Variants in B4GALNT3 observed in about 807,000 individuals in gnomAD.
B4GALNT3 encodes beta-1,4-N-acetyl-galactosaminyltransferase 3.
B4GALNT3 carries 86 observed loss-of-function variants against 120.2 expected under a neutral mutation model. The ratio of observed to expected loss-of-function variants is 0.72; its 90% CI spans 0.60 to 0.86. The LOEUF is 0.86. Among genes scored for constraint, B4GALNT3 ranks in the 40% least tolerant of loss-of-function variants. B4GALNT3 has a pLI of 0.00. For missense variants in B4GALNT3, 1,167 were observed against 1,298.9 expected (o/e 0.90, Z 1.56); for synonymous variants, 518 against 510.4 (o/e 1.01, Z -0.20).
intron 1 of B4GALNT3, among the ~76,000 whole-genome samples, chr12:492,536 C>T (rs753302539): frequency 6.6e-6 from 1 of 152,198 alleles, no homozygotes; most frequent in African/African-American, 2.4e-5. Context: ...AACATTTGTT[C>T]TTCCCAACTT....
At position 542,412 on chromosome 12, in the gene B4GALNT3, C is replaced by T. The variant is rs535219451; in HGVS notation, c.352-1927C>T. On this transcript the variant is annotated intron_variant, in intron 3 of 19. Coordinates refer to ENST00000266383, the MANE Select transcript of B4GALNT3 (RefSeq NM_173593.4). ...ATCTCTTGTAGAACTTGTGCCACTT[C>T]TTCTTATCTGGGTGTCCCCTCAGAG... 3.2e-4 allele frequency among the ~76,000 whole-genome samples: 49 copies of T among 152,322 alleles called. No homozygotes were observed. In the South Asian group the frequency reaches 5.0e-3, roughly 15 times the overall value.
chr12:486,356 C>T (rs1946291038), intron 1 of B4GALNT3, among the ~76,000 whole-genome samples: 1 of 151,854 alleles, frequency 6.6e-6, no homozygotes. Context: ...ATTACAGGTG[C>T]CTGCCACTGC....
intron 1 of B4GALNT3, among the ~76,000 whole-genome samples, chr12:482,810 A>G (rs1330030531): frequency 6.6e-6 from 1 of 152,190 alleles, no homozygotes; most frequent in African/African-American, 2.4e-5. Flanking sequence ...GAAGTGATGT[A>G]TGATAGAGCC....
intron 9 of B4GALNT3, 31 bp from the exon 10 acceptor site, chr12:549,738 G>C (rs1947054749): frequency 1.2e-6 from 2 of 1,613,244 alleles, no homozygotes; most frequent in Non-Finnish European, 1.7e-6. Flanking sequence ...AGGCCACACA[G>C]CCTCCTGCTT....
In B4GALNT3 at chr12:556,528, C is replaced by A; in HGVS notation, c.2061-19C>A. The A allele has an allele frequency of 1.9e-6, 3 of 1,600,960 alleles. No homozygotes were observed. The highest frequency in any genetic ancestry group is 3.3e-4 in the Middle Eastern group (2 of 6,014). ...GTGTGGAAAGGAACCACTCAGCCTC[C>A]CCACACTTTCTGCCATAGGAGGTAC... On this transcript the variant is annotated intron_variant, in intron 14 of 19. Coordinates refer to ENST00000266383, the MANE Select transcript of B4GALNT3 (RefSeq NM_173593.4).
chr12:496,927 G>T (rs370630693), intron 1 of B4GALNT3, among the ~76,000 whole-genome samples: 1 of 152,238 alleles, frequency 6.6e-6, no homozygotes, highest in Admixed American at 6.5e-5. Flanking sequence ...GCCCAGGCTG[G>T]AGTGCAGTAC....
intron 1 of B4GALNT3, among the ~76,000 whole-genome samples, chr12:523,138 A>C (rs535890115): frequency 1.7e-3 from 255 of 152,216 alleles, no homozygotes; most frequent in Middle Eastern, 3.4e-3. Flanking sequence ...GTGCTGGGGC[A>C]GTCTTCAGCT....
chr12:560,242 C>T (rs1381136482), intron 19 of B4GALNT3, among the ~76,000 whole-genome samples: 1 of 152,162 alleles, frequency 6.6e-6, no homozygotes, highest in African/African-American at 2.4e-5. Context: ...AGGAGGTGGA[C>T]AGGGCAAGGT....
chr12:490,122 A>G (rs1178461684), intron 1 of B4GALNT3, among the ~76,000 whole-genome samples: 1 of 152,352 alleles, frequency 6.6e-6, no homozygotes, highest in East Asian at 1.9e-4. Flanking sequence ...AGGGAAATTT[A>G]TAACACTGAA....
chr12:486,286 T>C (rs1188991592), intron 1 of B4GALNT3, among the ~76,000 whole-genome samples: 1 of 147,396 alleles, frequency 6.8e-6, no homozygotes, highest in Non-Finnish European at 1.5e-5. Context: ...CTTGGCTCAC[T>C]GCAACCTCCA....
At chr12:493,444 AG>A (rs938468102) in intron 1 of B4GALNT3, among the ~76,000 whole-genome samples, 7 of 152,258 alleles carry the variant, frequency 4.6e-5, no homozygotes, top group Non-Finnish European at 1.0e-4. Context: ...ATGGAGCAAC[AG>A]GAACTCTCAT....
rs1555157313 is a variant in B4GALNT3, at chr12:535,206, C to G, written c.210C>G (p.Ser70Arg). 2 of 1,613,876 alleles carry G rather than the reference C, an allele frequency of 1.2e-6. No homozygotes were observed. Among genetic ancestry groups the G allele is most frequent in the South Asian group, 2.2e-5 (2 of 91,068 alleles). ...GAGAACTGGCCAAGGCTCTGGCCAG[C>G]AGGAACATTCCAGCTGTGGATCCAC... ...SWRELAKALA[S>R]RNIPAVDPHL... The change falls in exon 2 of 20, where the codon AGC becomes AGG. Residue 70 changes from serine (S) to arginine (R), a missense_variant. By Grantham distance (110) the Ser-to-Arg change is moderately radical (BLOSUM62 -1). Transcript: ENST00000266383.
chr12:558,721 C>T (rs563283702), intron 18 of B4GALNT3, 60 bp downstream of exon 18: 3 of 1,558,218 alleles, frequency 1.9e-6, no homozygotes, highest in African/African-American at 1.4e-5. Flanking sequence ...CTCTTAACTC[C>T]AGAGCTGGGA....
rs76201462 is a variant in B4GALNT3 at position 560,209 on chromosome 12, A to G, written c.2888+788A>G. On this transcript the variant is annotated intron_variant, in intron 19 of 19. Transcript: ENST00000266383. ...AGGGGAGGGTACCCTTCAGAAGGGC[A>G]TAAGCGCTGTAACAGCGTCCACAGG... Among the ~76,000 whole-genome samples the G allele has an allele frequency of 7.7e-3, 1,176 of 152,316 alleles. 40 individuals are homozygous for G. The East Asian group carries it at 0.11, about 14-fold the overall frequency.
rs765639281 is a variant in B4GALNT3, at chr12:550,901, C to T, written c.998-21C>T. The T allele has an allele frequency of 1.3e-6, 2 of 1,579,028 alleles. No homozygotes were observed. The highest frequency in any genetic ancestry group is 2.2e-5 in the South Asian group (2 of 90,158). ...TTCGTGCTCACCCTCACCCTCACTCCTCCTCCTCCACTGTCCTCAGTGCCT... is the reference window on the plus strand; with the variant it reads ...TTCGTGCTCACCCTCACCCTCACTCTTCCTCCTCCACTGTCCTCAGTGCCT... On this transcript the variant is annotated intron_variant, in intron 10 of 19. Coordinates refer to ENST00000266383, the MANE Select transcript of B4GALNT3 (RefSeq NM_173593.4). The surrounding 1 kb of genome is among the most constrained non-coding windows in gnomAD (Gnocchi z 4.1).
intron 1 of B4GALNT3, among the ~76,000 whole-genome samples, chr12:518,898 G>A (rs529000345): frequency 2.0e-4 from 31 of 151,976 alleles, no homozygotes; most frequent in Middle Eastern, 6.8e-3. Context: ...TGAAACCTGC[G>A]GGACCTGTGT....
chr12:537,614 A>G (rs1946874259), intron 3 of B4GALNT3, among the ~76,000 whole-genome samples: 1 of 152,198 alleles, frequency 6.6e-6, no homozygotes, highest in Admixed American at 6.5e-5. Context: ...ATTAACATAC[A>G]CAAGATTACC....
At chr12:556,231 G>C (rs1040226520) in intron 14 of B4GALNT3, among the ~76,000 whole-genome samples, 1 of 152,038 alleles carries the variant, frequency 6.6e-6, no homozygotes, top group East Asian at 1.9e-4. Flanking sequence ...ATGTTGATTC[G>C]ACCGTTTTTA....
intron 15 of B4GALNT3, among the ~76,000 whole-genome samples, chr12:557,396 G>A (rs1454242620): frequency 1.3e-5 from 2 of 152,148 alleles, no homozygotes; most frequent in Non-Finnish European, 2.9e-5. Flanking sequence ...GGAACGTGGG[G>A]AGCAGGATGC....
Sources: gnomAD v4.1 joint callset for allele counts (sites outside exome capture counted in the v4.1 genomes callset) on GRCh38, gnomAD v4.1.1 for gene constraint, Gnocchi (gnomAD v3.1) non-coding constraint, MANE v1.5 for transcripts, NCBI Gene and HGNC (gene_info 2026-07-23, HGNC 2026-07-21) for gene names.